The following STX16 variants were observed in gnomAD, a reference collection of about 807,000 sequenced individuals.
STX16 encodes the protein syntaxin 16, also known as syntaxin-16.
In STX16, 28 loss-of-function variants were observed where a neutral mutation model predicts 42.7. That is an observed-to-expected ratio of 0.66 (90% CI 0.49 to 0.90). STX16 has a LOEUF of 0.90. STX16 is among the 40% of genes least tolerant of loss of function. The pLI is 0.00. For missense variants in STX16, 361 were observed against 420.9 expected (o/e 0.86, Z 1.24); for synonymous variants, 156 against 155.2 (o/e 1.00, Z -0.04).
Position 58,657,128 on chromosome 20 carries a change from T to C in STX16, c.133-2495T>C, listed in dbSNP as rs1344570907. On this transcript the variant is annotated intron_variant, in intron 1 of 8. Transcript: ENST00000371141. The surrounding 1 kb of genome is among the most constrained non-coding windows in gnomAD (Gnocchi z 4.2). ...GGACCTATTGTTTTAAAACAATTTT[T>C]TTTCTTGCAATAGGCTAGCATCTTT... is the stretch of plus-strand genomic sequence containing the variant. 1.3e-5 allele frequency among the ~76,000 whole-genome samples: 2 copies of C among 152,236 alleles called. No individual in the cohort carries two copies. The highest frequency in any genetic ancestry group is 4.8e-5 in the African/African-American group (2 of 41,466).
At chr20:58,656,128 C>T (rs1159155230) in intron 1 of STX16, among the ~76,000 whole-genome samples, 4 of 152,140 alleles carry the variant, frequency 2.6e-5, no homozygotes, top group East Asian at 1.9e-4. Flanking sequence ...TTAATCTTTT[C>T]GGACATTTTT....
chr20:58,665,285 C>T (rs76091035), intron 2 of STX16, among the ~76,000 whole-genome samples: 15 of 152,162 alleles, frequency 9.9e-5, no homozygotes, highest in African/African-American at 3.1e-4. Context: ...CACTCACTGG[C>T]GGCCTGTCCT....
At chr20:58,669,550 T>C (rs1404203860) in intron 5 of STX16, 97 bp downstream of exon 5, 2 of 1,380,838 alleles carry the variant, frequency 1.4e-6, no homozygotes, top group African/African-American at 2.9e-5. Flanking sequence ...CCAGTACCTT[T>C]CATTGTTAGC....
intron 1 of STX16, among the ~76,000 whole-genome samples, chr20:58,655,249 T>C (rs1281857075): frequency 2.6e-5 from 4 of 152,172 alleles, no homozygotes; most frequent in Non-Finnish European, 5.9e-5. Context: ...AGGAAAAAGC[T>C]GCAGAAATTA....
chr20:58,679,167 G>C lies in STX16; in HGVS notation c.*2876G>C, dbSNP rs1425770533. On this transcript the variant is annotated 3_prime_UTR_variant, in exon 9 of 9. Coordinates refer to ENST00000371141, the MANE Select transcript of STX16 (RefSeq NM_001001433.3). ...GTCTCTTGTTTTGTTCGTTTTGGGG[G>C]TGGTGGTGCTGGCTGGGCCATGCTT... 1.3e-5 allele frequency: 2 copies of C among 152,344 alleles called. No individual in the cohort carries two copies. The highest frequency in any genetic ancestry group is 2.4e-5 in the African/African-American group (1 of 41,446). 9.4% of individuals were successfully genotyped at this position (152,344 alleles called of 1,614,324 possible).
chr20:58,667,504 T>C lies in STX16; in HGVS notation c.159T>C (p.Arg53=). 4 of 1,614,148 alleles carry C rather than the reference T, an allele frequency of 2.5e-6. No individual in the cohort carries two copies. The highest frequency in any genetic ancestry group is 3.4e-6 in the Non-Finnish European group (4 of 1,180,022). ...CTTTCCTGTAGCTTGCTGATGACCG[T>C]ATGGCACTGGTGTCAGGCATCAGCT... ...AAELDELADD[R]MALVSGISLD... The change falls in exon 3 of 9, where the codon CGT becomes CGC. Residue 53 remains arginine, a synonymous_variant. Transcript: ENST00000371141.
intron 7 of STX16, among the ~76,000 whole-genome samples, chr20:58,671,886 T>C (rs944417952): frequency 6.6e-6 from 1 of 152,108 alleles, no homozygotes; most frequent in African/African-American, 2.4e-5. Flanking sequence ...AGGATATATA[T>C]ACATAGCAAT....
At chr20:58,673,989 C>T (rs1453919937) in intron 8 of STX16, among the ~76,000 whole-genome samples, 1 of 152,140 alleles carries the variant, frequency 6.6e-6, no homozygotes, top group African/African-American at 2.4e-5. Flanking sequence ...GATTGGAGTT[C>T]TTTCTTTTAG....
rs969906462 is a variant in STX16 at position 58,678,344 on chromosome 20, A to T, written c.*2053A>T. The T allele has an allele frequency of 2.0e-5, 3 of 151,550 alleles. No individual in the cohort carries two copies. The highest frequency in any genetic ancestry group is 3.9e-4 in the East Asian group (2 of 5,128). 9.4% of individuals were successfully genotyped at this position (151,550 alleles called of 1,614,324 possible). ...TCAACCCATTTGGGTAAAATAACGG[A>T]TCTGATTAGAAACTGTTTTAAGGAG... On this transcript the variant is annotated 3_prime_UTR_variant, in exon 9 of 9. Transcript: ENST00000371141.
chr20:58,671,719 A>G (rs1171058361), intron 7 of STX16, among the ~76,000 whole-genome samples: 2 of 152,088 alleles, frequency 1.3e-5, no homozygotes, highest in Non-Finnish European at 2.9e-5. Context: ...GGGACTAATA[A>G]TCATAGTACC....
chr20:58,662,230 T>G lies in STX16; in HGVS notation c.144+2596T>G, dbSNP rs6123817. The stretch of plus-strand genomic sequence containing the variant: ...CCCCAAACCACACTGCCTGGAGGAC[T>G]GCACATCTGGGAGTGCCTGGGCCGG... On this transcript the variant is annotated intron_variant, in intron 2 of 8. Coordinates refer to ENST00000371141, the MANE Select transcript of STX16 (RefSeq NM_001001433.3). 3.3e-5 allele frequency among the ~76,000 whole-genome samples: 5 copies of G among 152,350 alleles called. No individual in the cohort carries two copies. In the East Asian group the frequency reaches 9.6e-4, roughly 29 times the overall value.
Position 58,651,912 on chromosome 20 carries a change from A to T in STX16, c.-95A>T, listed in dbSNP as rs536036062. 141 of 1,381,058 alleles carry T rather than the reference A, an allele frequency of 1.0e-4. No homozygotes were observed. Among genetic ancestry groups the T allele is most frequent in the Non-Finnish European group, 1.4e-4 (135 of 991,558 alleles). The allele number at this position is 1,381,058 out of a possible 1,614,324, so 85.6% of individuals were successfully genotyped here. A position where few individuals can be genotyped will look rare whatever the true frequency, so the allele number is the denominator to read the frequency against. On this transcript the variant is annotated 5_prime_UTR_variant, in exon 1 of 9. The change creates a new upstream start codon in the 5' untranslated region. Transcript: ENST00000371141. ...GGCCTTGTCGAGAAGCTTCCGTGAA[A>T]GGGTGGGCCAGCCGGGCCACGAGAA... is the stretch of plus-strand genomic sequence containing the variant.
chr20:58,652,373 C>CA, intron 1 of STX16: 3 of 494,010 alleles, frequency 6.1e-6, no homozygotes, highest in South Asian at 2.0e-5. Context: ...TCCGCAGCAC[C>CA]CCCCCCCCCG....
intron 7 of STX16, among the ~76,000 whole-genome samples, chr20:58,672,256 T>A (rs2083997723): frequency 6.6e-6 from 1 of 152,130 alleles, no homozygotes; most frequent in East Asian, 1.9e-4. Context: ...CGCTTGAACC[T>A]GGGAGGTAGA....
At chr20:58,661,469 C>G (rs556443447) in intron 2 of STX16, among the ~76,000 whole-genome samples, 1 of 152,394 alleles carries the variant, frequency 6.6e-6, no homozygotes, top group Non-Finnish European at 1.5e-5. Context: ...TCCACGCTCA[C>G]CCCAGTGCTA....
At chr20:58,669,165 C>G in intron 4 of STX16, 126 bp from the exon 5 acceptor site, 11 of 974,816 alleles carry the variant, frequency 1.1e-5, no homozygotes, top group Non-Finnish European at 1.6e-5. Flanking sequence ...TTTATCTGTT[C>G]ACCTTTCTCT....
rs2083946756 is a variant in STX16 at position 58,670,666 on chromosome 20, T to G, written c.648+63T>G. ...TGCACCCCATTCTGCATCTTTCACC[T>G]CCTAGACCTCGATCTTCTGTGCAGT... On this transcript the variant is annotated intron_variant, in intron 6 of 8. Transcript: ENST00000371141. 4 of 1,329,034 alleles carry G rather than the reference T, an allele frequency of 3.0e-6. No individual in the cohort carries two copies. The South Asian group carries it at 4.7e-5, about 16-fold the overall frequency. The allele number at this position is 1,329,034 out of a possible 1,614,324, so 82.3% of individuals were successfully genotyped here. A position where few individuals can be genotyped will look rare whatever the true frequency, so the allele number is the denominator to read the frequency against.
chr20:58,654,559 A>G (rs1211513865), intron 1 of STX16, among the ~76,000 whole-genome samples: 1 of 152,234 alleles, frequency 6.6e-6, no homozygotes, highest in African/African-American at 2.4e-5. Flanking sequence ...AGCAAAAGCC[A>G]TGTTTAACAC....
intron 8 of STX16, among the ~76,000 whole-genome samples, chr20:58,675,279 G>A (rs1264653149): frequency 6.6e-6 from 1 of 152,212 alleles, no homozygotes; most frequent in African/African-American, 2.4e-5. Context: ...AGGAGAGATT[G>A]CCATTCTCGC....
Sources: allele counts gnomAD v4.1 joint callset (sites outside exome capture counted in the v4.1 genomes callset), GRCh38; gene constraint gnomAD v4.1.1; non-coding constraint Gnocchi (gnomAD v3.1); transcripts MANE v1.5; gene names NCBI Gene and HGNC (gene_info 2026-07-23, HGNC 2026-07-21).